ARID3A: variants seen among roughly 807,000 people sequenced by gnomAD.
ARID3A encodes the protein AT-rich interactive domain-containing protein 3A.
In ARID3A, 11 loss-of-function variants were observed where a neutral mutation model predicts 52.7. The observed-to-expected ratio is 0.21, with a 90% CI of 0.13 to 0.35. The LOEUF (loss-of-function observed/expected upper bound fraction) is 0.35, where lower values mean the gene tolerates loss of function less well. Among genes scored for constraint, ARID3A ranks in the 10% least tolerant of loss-of-function variants. The pLI is 1.00. For synonymous variants in ARID3A, 404 were observed against 359.4 expected, an observed-to-expected ratio of 1.12 and a Z score of -1.40; for missense variants, 721 against 838.5, an observed-to-expected ratio of 0.86 and a Z score of 1.73.
Position 944,280 on chromosome 19 carries a change from GCGTGTCTGCTCC to G in ARID3A, c.693+11540_693+11551del, listed in dbSNP as rs2037625536. On this transcript the variant is annotated intron_variant, in intron 3 of 8. Coordinates refer to ENST00000263620, the MANE Select transcript of ARID3A (RefSeq NM_005224.3). The surrounding 1 kb of genome is among the most constrained non-coding windows in gnomAD (Gnocchi z 5.9). ...GGCCTGTCTCGCCGTTATCTCCCAG[GCGTGTCTGCTCC>G]CCGTGTGTCTGGCTGCAGGGGCGCG... Among the ~76,000 whole-genome samples, 3 of 151,916 alleles carry G rather than the reference GCGTGTCTGCTCC, an allele frequency of 2.0e-5. No individual in the cohort carries two copies. The highest frequency in any genetic ancestry group is 4.4e-5 in the Non-Finnish European group (3 of 68,032).
chr19:937,325 G>A (rs1053328534), intron 3 of ARID3A, among the ~76,000 whole-genome samples: 7 of 152,148 alleles, frequency 4.6e-5, no homozygotes, highest in South Asian at 2.1e-4. Context: ...TGTGTCTGGC[G>A]TATCTCACTG....
At position 955,936 on chromosome 19, in the gene ARID3A, G is replaced by A. The variant is rs192506737; in HGVS notation, c.694-4156G>A. ...AAAATCGAGGCGTCCGCAGGGCTGC[G>A]CTCCCTCCAGGGGCTGCAGGAGGAG... On this transcript the variant is annotated intron_variant, in intron 3 of 8. Coordinates refer to ENST00000263620, the MANE Select transcript of ARID3A (RefSeq NM_005224.3). Among the ~76,000 whole-genome samples the A allele has an allele frequency of 5.7e-4, 86 of 152,210 alleles. No individual in the cohort carries two copies. The East Asian group carries it at 9.9e-3, about 17-fold the overall frequency.
chr19:941,597 G>A lies in ARID3A; in HGVS notation c.693+8855G>A, dbSNP rs141568015. Reference sequence around the variant, plus strand: ...GTCCTTTGTGAATGTCTATGTTGGGGTGATGATCTCCTGTGTGTGCATTTT... The same window carrying A: ...GTCCTTTGTGAATGTCTATGTTGGGATGATGATCTCCTGTGTGTGCATTTT... On this transcript the variant is annotated intron_variant, in intron 3 of 8. Coordinates refer to ENST00000263620, the MANE Select transcript of ARID3A (RefSeq NM_005224.3). The surrounding 1 kb of genome is among the most constrained non-coding windows in gnomAD (Gnocchi z 6.9). Among the ~76,000 whole-genome samples the A allele has an allele frequency of 1.3e-5, 2 of 152,124 alleles. No homozygotes were observed. The highest frequency in any genetic ancestry group is 2.4e-5 in the African/African-American group (1 of 41,426).
Position 929,751 on chromosome 19 carries a change from C to G in ARID3A, c.223C>G (p.Pro75Ala). 1 of 1,554,700 alleles carries G rather than the reference C, an allele frequency of 6.4e-7. No homozygotes were observed. ...GGCTGCAGCTGCGGGCCTGGGACAC[C>G]CAGCCAGCCCCGGCGGCTCTGAGGA... ...MRAAAAGLGHPASPGGSEDGP... is the reference protein window; with the variant it reads ...MRAAAAGLGHAASPGGSEDGP... The change falls in exon 2 of 9, where the codon CCA (proline) becomes GCA (alanine). Residue 75 changes from proline to alanine, a missense_variant. Pro to Ala is a conservative substitution (Grantham distance 27). Coordinates refer to ENST00000263620, the MANE Select transcript of ARID3A (RefSeq NM_005224.3). This position sits in a 1 kb window ranked among gnomAD's most constrained non-coding sequence, Gnocchi z 6.2.
rs1255545275 is a variant in ARID3A, at chr19:968,430, T to C, written c.1521T>C (p.Ala507=). The change falls in exon 8 of 9, where the codon GCT becomes GCC. Residue 507 remains alanine (A), a synonymous_variant. Coordinates refer to ENST00000263620, the MANE Select transcript of ARID3A (RefSeq NM_005224.3). ...CCTCCGAAAGCCGCCAGGACTCTGC[T>C]GTGAACCTGACGGGCACCAACGGCA... ...SQASESRQDS[A]VNLTGTNGSN... 4.3e-6 allele frequency: 7 copies of C among 1,613,992 alleles called. No homozygotes were observed. Among genetic ancestry groups the C allele is most frequent in the Non-Finnish European group, 5.1e-6 (6 of 1,179,936 alleles).
chr19:949,108 T>C (rs1379851057), intron 3 of ARID3A, among the ~76,000 whole-genome samples: 2 of 152,176 alleles, frequency 1.3e-5, no homozygotes, highest in African/African-American at 2.4e-5. Flanking sequence ...TGAAGGGCTT[T>C]GCAGGTTGCT....
rs1161822032 is a variant in ARID3A, at chr19:964,384, C to T, written c.903C>T (p.Leu301=). 3 of 1,612,422 alleles carry T rather than the reference C, an allele frequency of 1.9e-6. No homozygotes were observed. Among genetic ancestry groups the T allele is most frequent in the African/African-American group, 1.3e-5 (1 of 74,878 alleles). The change falls in exon 5 of 9, where the codon CTC becomes CTT. Residue 301 remains leucine (L), a synonymous_variant. Transcript: ENST00000263620. The surrounding 1 kb of genome is among the most constrained non-coding windows in gnomAD (Gnocchi z 5.7). ...TGTGGCGTGAGATCACCAAGGGCCT[C>T]AACCTGCCCACGTCCATCACCAGTG... ...KKLWREITKG[L]NLPTSITSAA...
In ARID3A at chr19:973,725, A is replaced by G; in HGVS notation, c.*1660A>G. ...TTGTGCTGGGGCTGCGAGCTCCCCG[A>G]GTTCTGCGGTGACTAAATCGAGGCC... On this transcript the variant is annotated 3_prime_UTR_variant, in exon 9 of 9. Transcript: ENST00000263620. 4.4e-6 allele frequency: 1 copy of G among 227,612 alleles called. No homozygotes were observed. The allele number at this position is 227,612 out of a possible 1,614,324, so 14.1% of individuals were successfully genotyped here.
chr19:943,421 A>C (rs1293808685), intron 3 of ARID3A, among the ~76,000 whole-genome samples: 1 of 151,944 alleles, frequency 6.6e-6, no homozygotes, highest in Non-Finnish European at 1.5e-5. Flanking sequence ...ATACAAAATT[A>C]GCCGGGCGTG....
chr19:942,217 A>G lies in ARID3A; in HGVS notation c.693+9475A>G, dbSNP rs899916246. On this transcript the variant is annotated intron_variant, in intron 3 of 8. Coordinates refer to ENST00000263620, the MANE Select transcript of ARID3A (RefSeq NM_005224.3). The surrounding 1 kb of genome is among the most constrained non-coding windows in gnomAD (Gnocchi z 8.1). ...AGGAGCTGCCGGCAGAGCCCTGTCC[A>G]CTCTTGCCTCAGTTTCCCTGCTGGA... is the stretch of plus-strand genomic sequence containing the variant. Among the ~76,000 whole-genome samples the G allele has an allele frequency of 5.3e-5, 8 of 151,470 alleles. No homozygotes were observed. In the South Asian group the frequency reaches 8.4e-4, roughly 16 times the overall value.
chr19:942,640 A>G lies in ARID3A; in HGVS notation c.693+9898A>G, dbSNP rs2037581238. On this transcript the variant is annotated intron_variant, in intron 3 of 8. Coordinates refer to ENST00000263620, the MANE Select transcript of ARID3A (RefSeq NM_005224.3). This position sits in a 1 kb window ranked among gnomAD's most constrained non-coding sequence, Gnocchi z 8.1. ...GGGCACAGGTGGGTGGGCAGGGAGT[A>G]GGTGGAGGCCGCCCCTCCCACTGCC... Among the ~76,000 whole-genome samples, 1 of 152,116 alleles carries G rather than the reference A, an allele frequency of 6.6e-6. No homozygotes were observed. Among genetic ancestry groups the G allele is most frequent in the Admixed American group, 6.5e-5 (1 of 15,278 alleles).
chr19:968,986 G>A (rs971253977), intron 8 of ARID3A, among the ~76,000 whole-genome samples: 1 of 152,080 alleles, frequency 6.6e-6, no homozygotes, highest in Non-Finnish European at 1.5e-5. Flanking sequence ...GAGGAGCAAA[G>A]AATGTATAAG....
intron 1 of ARID3A, among the ~76,000 whole-genome samples, chr19:927,177 TG>T (rs896779434): frequency 1.3e-5 from 2 of 152,024 alleles, no homozygotes; most frequent in Non-Finnish European, 2.9e-5. Flanking sequence ...TCCGGAGGCC[TG>T]GGGGGAGGAG....
rs757899418 is a variant in ARID3A at position 929,928 on chromosome 19, G to A, written c.368+32G>A. The A allele has an allele frequency of 1.3e-6, 2 of 1,536,540 alleles. No individual in the cohort carries two copies. The highest frequency in any genetic ancestry group is 2.7e-5 in the African/African-American group (2 of 72,986). ...TGGGGTCTGGGGCAGGGCCTTCTGG[G>A]GGCTGTTACTGGCTCTGAGTGTCAC... is the stretch of plus-strand genomic sequence containing the variant. On this transcript the variant is annotated intron_variant, in intron 2 of 8. Coordinates refer to ENST00000263620, the MANE Select transcript of ARID3A (RefSeq NM_005224.3). The surrounding 1 kb of genome is among the most constrained non-coding windows in gnomAD (Gnocchi z 6.2).
In ARID3A at chr19:973,104, ATT is replaced by A. The variant is rs56404084; in HGVS notation, c.*1059_*1060del. ...GGGCTCTCGAGTCAGGGGCCTGGAA[ATT>A]TTTTTTTTTTTTTTTTTTTGAGACG... is the stretch of plus-strand genomic sequence containing the variant. On this transcript the variant is annotated 3_prime_UTR_variant, in exon 9 of 9. Coordinates refer to ENST00000263620, the MANE Select transcript of ARID3A (RefSeq NM_005224.3). 6.1e-4 allele frequency: 33 copies of A among 53,672 alleles called. 2 individuals are homozygous for A. Among genetic ancestry groups the A allele is most frequent in the Middle Eastern group, 0.023 (1 of 44 alleles). The allele number at this position is 53,672 out of a possible 1,614,324, so 3.3% of individuals were successfully genotyped here. A position where few individuals can be genotyped will look rare whatever the true frequency, so the allele number is the denominator to read the frequency against.
rs1555727933 is a variant in ARID3A at position 944,344 on chromosome 19, G to GTA, written c.693+11603_693+11604insAT. On this transcript the variant is annotated intron_variant, in intron 3 of 8. Transcript: ENST00000263620. This position sits in a 1 kb window ranked among gnomAD's most constrained non-coding sequence, Gnocchi z 5.9. ...CCAGGGGGTGTGTGTGTGTGTGTGTGTGTGTCTGCGTGGGAGTGTCTGGCT... is the reference window on the plus strand; with the variant it reads ...CCAGGGGGTGTGTGTGTGTGTGTGTGTATGTGTCTGCGTGGGAGTGTCTGGCT... Among the ~76,000 whole-genome samples the GTA allele has an allele frequency of 1.3e-5, 2 of 151,960 alleles. No homozygotes were observed. Among genetic ancestry groups the GTA allele is most frequent in the African/African-American group, 4.8e-5 (2 of 41,340 alleles).
intron 3 of ARID3A, among the ~76,000 whole-genome samples, chr19:935,947 C>T (rs1237197294): frequency 1.3e-5 from 2 of 152,194 alleles, no homozygotes; most frequent in South Asian, 2.1e-4. Flanking sequence ...TCCGCCACCG[C>T]GCCCGGCTAA....
intron 8 of ARID3A, among the ~76,000 whole-genome samples, chr19:969,066 G>A (rs1412515429): frequency 6.6e-6 from 1 of 152,086 alleles, no homozygotes; most frequent in Non-Finnish European, 1.5e-5. Flanking sequence ...CTGGGCCACA[G>A]ACCGAGACCC....
At chr19:933,237 A>G (rs2037370951) in intron 3 of ARID3A, among the ~76,000 whole-genome samples, 1 of 152,090 alleles carries the variant, frequency 6.6e-6, no homozygotes, top group African/African-American at 2.4e-5. Flanking sequence ...GTGTGGCTGC[A>G]GGAGACGCAG....
Sources: gnomAD v4.1 joint callset for allele counts (sites outside exome capture counted in the v4.1 genomes callset) on GRCh38, gnomAD v4.1.1 for gene constraint, Gnocchi (gnomAD v3.1) non-coding constraint, MANE v1.5 for transcripts, NCBI Gene and HGNC (gene_info 2026-07-23, HGNC 2026-07-21) for gene names.